The following SMURF2 variants were observed in gnomAD, a reference collection of about 807,000 sequenced individuals.
SMURF2 encodes E3 ubiquitin-protein ligase SMURF2.
A neutral mutation model predicts 109.6 loss-of-function variants in SMURF2; 48 were observed. The observed-to-expected ratio is 0.44, with a 90% CI of 0.35 to 0.56. The LOEUF is 0.56. Ranked by LOEUF, SMURF2 falls within the 20% of genes least tolerant of loss-of-function variation. The pLI is 0.01. For synonymous variants in SMURF2, 288 were observed against 317.1 expected (o/e 0.91, Z 0.97); for missense variants, 575 against 909.0 (o/e 0.63, Z 4.72).
chr17:64,626,413 C>T (rs1318013364), intron 1 of SMURF2, among the ~76,000 whole-genome samples: 2 of 152,038 alleles, frequency 1.3e-5, no homozygotes, highest in Non-Finnish European at 2.9e-5. Context: ...TTTTAAGAAG[C>T]ACAGGCTATT....
At chr17:64,645,706 TAAC>T (rs1970550369) in intron 1 of SMURF2, among the ~76,000 whole-genome samples, 1 of 152,150 alleles carries the variant, frequency 6.6e-6, no homozygotes. Context: ...CGCCTAGGCT[TAAC>T]AACCCTCCTG....
chr17:64,558,513 T>C (rs567154049), intron 12 of SMURF2, among the ~76,000 whole-genome samples: 25 of 152,332 alleles, frequency 1.6e-4, no homozygotes, highest in Admixed American at 5.2e-4. Context: ...CAAGGCTATA[T>C]TTTGTTGTAG....
rs1969305868 is a variant in SMURF2 at position 64,566,561 on chromosome 17, G to GTTTGTTTTTTT, written c.1017-3596_1017-3595insAAAAAAACAAA. 1.2e-3 allele frequency among the ~76,000 whole-genome samples: 52 copies of GTTTGTTTTTTT among 43,804 alleles called. 5 individuals are homozygous for GTTTGTTTTTTT. Among genetic ancestry groups the GTTTGTTTTTTT allele is most frequent in the African/African-American group, 3.9e-3 (52 of 13,312 alleles). The allele number at this position is 43,804 out of a possible 152,430, so 28.7% of individuals were successfully genotyped here. Reference sequence around the variant, plus strand: ...GATGTAGAAATGCTTAAGCTTTCTGGTTTTTTTTTTTTTTTTTTTTTTTTT... The same window carrying GTTTGTTTTTTT: ...GATGTAGAAATGCTTAAGCTTTCTGGTTTGTTTTTTTTTTTTTTTTTTTTTTTTTTTTTTTT... On this transcript the variant is annotated intron_variant, in intron 10 of 18. Coordinates refer to ENST00000262435, the MANE Select transcript of SMURF2 (RefSeq NM_022739.4).
At chr17:64,589,481 A>C (rs1969719303) in intron 5 of SMURF2, among the ~76,000 whole-genome samples, 1 of 146,366 alleles carries the variant, frequency 6.8e-6, no homozygotes, top group Non-Finnish European at 1.5e-5. Context: ...CCCAACCCCC[A>C]GGCCATGGAT....
chr17:64,662,224 G>A lies in SMURF2; in HGVS notation c.-344C>T. On this transcript the variant is annotated 5_prime_UTR_variant, in exon 1 of 19. Transcript: ENST00000262435. ...GCGAGGCCCAGTAGCCGACGGGGCT[G>A]GTCGGCTGAAGCGGGCGGTGCTCGG... The A allele has an allele frequency of 1.0e-6, 1 of 983,348 alleles. No homozygotes were observed. Among genetic ancestry groups the A allele is most frequent in the Non-Finnish European group, 1.2e-6 (1 of 829,150 alleles). The allele number at this position is 983,348 out of a possible 1,614,324, so 60.9% of individuals were successfully genotyped here.
chr17:64,590,143 TC>T (rs1202074032), intron 5 of SMURF2, among the ~76,000 whole-genome samples: 2 of 131,098 alleles, frequency 1.5e-5, no homozygotes, highest in African/African-American at 8.2e-5. Flanking sequence ...ATTTTTCTTT[TC>T]TTTTTTTTTT....
At chr17:64,576,035 T>A (rs1969485149) in intron 9 of SMURF2, among the ~76,000 whole-genome samples, 1 of 151,840 alleles carries the variant, frequency 6.6e-6, no homozygotes, top group Non-Finnish European at 1.5e-5. Context: ...CGTAACCCCA[T>A]CTCTACTAAA....
At chr17:64,654,682 A>C (rs1436299703) in intron 1 of SMURF2, among the ~76,000 whole-genome samples, 1 of 152,104 alleles carries the variant, frequency 6.6e-6, no homozygotes, top group Non-Finnish European at 1.5e-5. Flanking sequence ...ATACAGAATT[A>C]GCCGGGCGCG....
chr17:64,551,408 A>G (rs76097728), intron 16 of SMURF2, among the ~76,000 whole-genome samples, 176 bp downstream of exon 16: 7,184 of 152,210 alleles, frequency 0.047, 282 homozygotes, highest in Admixed American at 0.13. Context: ...AGAAATTCCA[A>G]AGCATGAAAG....
chr17:64,632,004 G>A (rs1286412383), intron 1 of SMURF2, among the ~76,000 whole-genome samples: 2 of 118,006 alleles, frequency 1.7e-5, no homozygotes, highest in Non-Finnish European at 1.6e-5. Flanking sequence ...ACTCGCCCAC[G>A]CTGAGTACAA....
At chr17:64,561,658 C>T in intron 11 of SMURF2, 55 bp from the exon 12 acceptor site, 1 of 1,322,282 alleles carries the variant, frequency 7.6e-7, no homozygotes, top group East Asian at 2.4e-5. Context: ...TAGCCTATTA[C>T]TTAATCTCTC....
chr17:64,566,597 A>T (rs1182583926), intron 10 of SMURF2, among the ~76,000 whole-genome samples: 2 of 18,074 alleles, frequency 1.1e-4, no homozygotes, highest in East Asian at 5.1e-3. Context: ...TTTTTGAGAC[A>T]GTCTCGCTGT....
At chr17:64,556,554 C>T (rs190726059) in intron 13 of SMURF2, among the ~76,000 whole-genome samples, 5 of 152,232 alleles carry the variant, frequency 3.3e-5, no homozygotes, top group African/African-American at 1.2e-4. Context: ...TAAAAAGCAT[C>T]TCTATGAGGA....
intron 1 of SMURF2, among the ~76,000 whole-genome samples, chr17:64,626,417 G>A (rs922410084): frequency 2.0e-5 from 3 of 152,032 alleles, no homozygotes; most frequent in Non-Finnish European, 4.4e-5. Flanking sequence ...AAGAAGCACA[G>A]GCTATTTCAT....
chr17:64,554,905 T>C lies in SMURF2; in HGVS notation c.1699A>G (p.Asn567Asp). The C allele has an allele frequency of 6.2e-7, 1 of 1,613,690 alleles. No individual in the cohort carries two copies. Among genetic ancestry groups the C allele is most frequent in the South Asian group, 1.1e-5 (1 of 91,074 alleles). ...TCATTAACAGGGATACTTTTGCCATTTGGTTTAAGTTCATGCTGAATAATT... is the reference window on the plus strand; with the variant it reads ...TCATTAACAGGGATACTTTTGCCATCTGGTTTAAGTTCATGCTGAATAATT... ...GEIIQHELKP[N>D]GKSIPVNEEN... Residue 567 changes from asparagine to aspartate, a missense_variant, in exon 15 of 19, where the codon AAT (asparagine) becomes GAT (aspartate). Physicochemically the swap from Asn to Asp is conservative, Grantham distance 23 (BLOSUM62 1). This residue lies in a region of SMURF2 where 361 missense variants were observed against 612.1 expected (regional missense o/e 0.59). Coordinates refer to ENST00000262435, the MANE Select transcript of SMURF2 (RefSeq NM_022739.4).
intron 1 of SMURF2, among the ~76,000 whole-genome samples, chr17:64,618,558 GC>G (rs1315233524): frequency 2.0e-5 from 3 of 152,120 alleles, no homozygotes; most frequent in African/African-American, 7.2e-5. Context: ...TATCCTGTCT[GC>G]TGCTGCTGGA....
At chr17:64,629,661 A>G (rs1970311734) in intron 1 of SMURF2, among the ~76,000 whole-genome samples, 1 of 152,244 alleles carries the variant, frequency 6.6e-6, no homozygotes, top group Admixed American at 6.5e-5. Flanking sequence ...ACCTAGAGGC[A>G]GAGCTAAATG....
intron 4 of SMURF2, among the ~76,000 whole-genome samples, chr17:64,592,682 T>C (rs559961204): frequency 3.3e-5 from 5 of 152,258 alleles, no homozygotes; most frequent in Admixed American, 1.3e-4. Context: ...AAGAATTCTA[T>C]AGAAACAAAC....
At chr17:64,564,113 T>C (rs1315698978) in intron 10 of SMURF2, among the ~76,000 whole-genome samples, 1 of 152,236 alleles carries the variant, frequency 6.6e-6, no homozygotes, top group Non-Finnish European at 1.5e-5. Context: ...ATTCTACTCC[T>C]AGGTTATTTA....
Sources: gnomAD v4.1 joint callset for allele counts (sites outside exome capture counted in the v4.1 genomes callset) on GRCh38, gnomAD v4.1.1 for gene constraint, gnomAD v4.1.1 regional missense constraint, MANE v1.5 for transcripts, NCBI Gene and HGNC (gene_info 2026-07-23, HGNC 2026-07-21) for gene names.